HIPK1: variants seen among roughly 807,000 people sequenced by gnomAD.
HIPK1 encodes homeodomain interacting protein kinase 1, also known as homeodomain-interacting protein kinase 1.
HIPK1 carries 28 observed loss-of-function variants against 117.1 expected under a neutral mutation model. The ratio of observed to expected loss-of-function variants is 0.24; its 90% confidence interval spans 0.18 to 0.33. The LOEUF (loss-of-function observed/expected upper bound fraction) is 0.33. HIPK1 is among the 10% of genes least tolerant of loss of function. The pLI, the probability that HIPK1 is intolerant of heterozygous loss-of-function variation, is 1.00. For missense variants in HIPK1, 1,122 were observed against 1,475.1 expected (o/e 0.76, Z 3.92); for synonymous variants, 605 against 562.5 (o/e 1.08, Z -1.07).
chr1:113,948,996 C>A (rs1466695138), intron 2 of HIPK1, among the ~76,000 whole-genome samples: 1 of 152,078 alleles, frequency 6.6e-6, no homozygotes, highest in African/African-American at 2.4e-5. Context: ...TGCCACCATG[C>A]CCAGCTAATT....
chr1:113,969,288 C>T (rs568719398), intron 13 of HIPK1, among the ~76,000 whole-genome samples: 1 of 152,270 alleles, frequency 6.6e-6, no homozygotes, highest in South Asian at 2.1e-4. Flanking sequence ...AGGCAACATA[C>T]AGGAGGTGTT....
intron 2 of HIPK1, among the ~76,000 whole-genome samples, chr1:113,952,423 G>A (rs1040645824): frequency 5.3e-5 from 8 of 152,060 alleles, no homozygotes; most frequent in Admixed American, 5.2e-4. Flanking sequence ...CCATTGTTAA[G>A]CTATTTGAAG....
At chr1:113,964,178 TC>T (rs1340219697) in intron 10 of HIPK1, among the ~76,000 whole-genome samples, 2 of 152,200 alleles carry the variant, frequency 1.3e-5, no homozygotes, top group African/African-American at 2.4e-5. Flanking sequence ...ATATTGTAGG[TC>T]ATATTGTTGG....
intron 1 of HIPK1, among the ~76,000 whole-genome samples, chr1:113,931,168 G>GTT (rs35159791): frequency 1.2e-4 from 16 of 137,000 alleles, no homozygotes; most frequent in Middle Eastern, 3.7e-3. Flanking sequence ...TGGTCTGTGG[G>GTT]TTTTTTTTTT....
intron 1 of HIPK1, among the ~76,000 whole-genome samples, chr1:113,939,887 C>T (rs767726605): frequency 6.6e-6 from 1 of 151,162 alleles, no homozygotes; most frequent in African/African-American, 2.4e-5. Flanking sequence ...ATCCTTTCCT[C>T]ATATTTTTCT....
intron 2 of HIPK1, among the ~76,000 whole-genome samples, chr1:113,948,188 T>C (rs1220821461): frequency 6.6e-6 from 1 of 152,236 alleles, no homozygotes. Context: ...GTCTTTTTGC[T>C]TCGTAGAGTT....
At chr1:113,967,384 TTTA>T (rs1411783000) in intron 11 of HIPK1, among the ~76,000 whole-genome samples, 1 of 152,188 alleles carries the variant, frequency 6.6e-6, no homozygotes, top group African/African-American at 2.4e-5. Flanking sequence ...CTTGGCAGTG[TTTA>T]TTATTGCTTG....
At chr1:113,930,802 G>A (rs376391968) in intron 1 of HIPK1, 5 of 152,258 alleles carry the variant, frequency 3.3e-5, no homozygotes, top group Non-Finnish European at 7.3e-5. Context: ...CTTGGGGAGG[G>A]GGGTTCAGGA....
At position 113,956,618 on chromosome 1, in the gene HIPK1, C is replaced by G; in HGVS notation, c.1408-9C>G. The G allele has an allele frequency of 6.2e-7, 1 of 1,604,194 alleles. No homozygotes were observed. Among genetic ancestry groups the G allele is most frequent in the Non-Finnish European group, 8.5e-7 (1 of 1,175,638 alleles). On this transcript the variant is annotated splice_polypyrimidine_tract_variant and intron_variant, in intron 5 of 15. Coordinates refer to ENST00000426820, the MANE Select transcript of HIPK1 (RefSeq NM_198268.3). ...GTGAAGAAGTATAATTCTGAATTTT[C>G]TTTGGAAGGTGAATATGTCTACAGA...
Position 113,941,656 on chromosome 1 carries a change from A to G in HIPK1, c.1076+197A>G, listed in dbSNP as rs1037043008. Among the ~76,000 whole-genome samples the G allele has an allele frequency of 6.6e-6, 1 of 152,214 alleles. No individual in the cohort carries two copies. Among genetic ancestry groups the G allele is most frequent in the Admixed American group, 6.5e-5 (1 of 15,274 alleles). The stretch of plus-strand genomic sequence containing the variant: ...TCTGAAATTTTATCTAGCACTGGAA[A>G]AATTAACTCAGTCTGATTCTGAAAG... On this transcript the variant is annotated intron_variant, in intron 2 of 15. Coordinates refer to ENST00000426820, the MANE Select transcript of HIPK1 (RefSeq NM_198268.3). This position sits in a 1 kb window ranked among gnomAD's most constrained non-coding sequence, Gnocchi z 4.9.
chr1:113,933,694 G>A (rs867075045), intron 1 of HIPK1, among the ~76,000 whole-genome samples: 1 of 151,958 alleles, frequency 6.6e-6, no homozygotes, highest in African/African-American at 2.4e-5. Flanking sequence ...GTGAAACCCT[G>A]TCTCTACAAA....
At chr1:113,931,120 A>C (rs923832702) in intron 1 of HIPK1, among the ~76,000 whole-genome samples, 1 of 150,390 alleles carries the variant, frequency 6.6e-6, no homozygotes, top group Admixed American at 6.6e-5. Flanking sequence ...GCAAACCTAC[A>C]ATTTTCCTTT....
At position 113,933,800 on chromosome 1, in the gene HIPK1, C is replaced by T. The variant is rs945034676; in HGVS notation, c.-3+4268C>T. Among the ~76,000 whole-genome samples, 3 of 152,098 alleles carry T rather than the reference C, an allele frequency of 2.0e-5. No individual in the cohort carries two copies. The East Asian group carries it at 5.8e-4, about 29-fold the overall frequency. On this transcript the variant is annotated intron_variant, in intron 1 of 15. Coordinates refer to ENST00000426820, the MANE Select transcript of HIPK1 (RefSeq NM_198268.3). Reference sequence around the variant, plus strand: ...GAGGGTGGATTGAGCCCTGGAGGTCCAGGCTGCAGTGAACGAACCATGATC... The same window carrying T: ...GAGGGTGGATTGAGCCCTGGAGGTCTAGGCTGCAGTGAACGAACCATGATC...
chr1:113,955,426 T>G (rs976881618), intron 4 of HIPK1, 137 bp from the exon 5 acceptor site: 1 of 620,520 alleles, frequency 1.6e-6, no homozygotes, highest in Non-Finnish European at 2.9e-6. Context: ...ATTTTCTGGT[T>G]GTGAATTACT....
Position 113,973,022 on chromosome 1 carries a change from A to G in HIPK1, c.3145-2A>G. The G allele has an allele frequency of 6.6e-7, 1 of 1,512,282 alleles. No homozygotes were observed. The highest frequency in any genetic ancestry group is 1.3e-5 in the South Asian group (1 of 74,470). The allele number at this position is 1,512,282 out of a possible 1,614,324, so 93.7% of individuals were successfully genotyped here. A position where few individuals can be genotyped will look rare whatever the true frequency, so the allele number is the denominator to read the frequency against. On this transcript the variant is annotated splice_acceptor_variant, in intron 15 of 15. Transcript: ENST00000426820. LOFTEE classifies it high-confidence loss of function. ...TCCTCACTTCTTCCTTCTTTCTTCCAGAACCAGCAGTCATCGGCGGCTCCA... is the reference window on the plus strand; with the variant it reads ...TCCTCACTTCTTCCTTCTTTCTTCCGGAACCAGCAGTCATCGGCGGCTCCA...
chr1:113,946,109 AT>A (rs1484611750), intron 2 of HIPK1, among the ~76,000 whole-genome samples: 5 of 152,116 alleles, frequency 3.3e-5, no homozygotes, highest in Non-Finnish European at 7.4e-5. Flanking sequence ...TGTCATCTCC[AT>A]TTATTTATTT....
rs1671856091 is a variant in HIPK1 at position 113,958,251 on chromosome 1, A to G, written c.1941A>G (p.Pro647=). ...GTTQICTQTD[P]FQQTFIVCPP... The stretch of plus-strand genomic sequence containing the variant: ...CCCAGATTTGCACTCAGACAGATCC[A>G]TTCCAACAGACATTTATAGTATGTC... The change falls in exon 8 of 16, where the codon CCA becomes CCG. Residue 647 remains proline, a synonymous_variant. Coordinates refer to ENST00000426820, the MANE Select transcript of HIPK1 (RefSeq NM_198268.3). The G allele has an allele frequency of 3.1e-6, 5 of 1,614,164 alleles. No individual in the cohort carries two copies. The highest frequency in any genetic ancestry group is 1.3e-5 in the African/African-American group (1 of 75,060).
At chr1:113,964,804 G>C (rs1288686995) in intron 10 of HIPK1, among the ~76,000 whole-genome samples, 1 of 152,194 alleles carries the variant, frequency 6.6e-6, no homozygotes, top group African/African-American at 2.4e-5. Context: ...TGGAATGTTA[G>C]TTGACACTTC....
Position 113,940,378 on chromosome 1 carries a change from A to G in HIPK1, c.-2-4A>G. 1 of 1,577,912 alleles carries G rather than the reference A, an allele frequency of 6.3e-7. No homozygotes were observed. Among genetic ancestry groups the G allele is most frequent in the South Asian group, 1.2e-5 (1 of 86,006 alleles). On this transcript the variant is annotated splice_polypyrimidine_tract_variant and splice_region_variant and intron_variant, in intron 1 of 15. Transcript: ENST00000426820. ...GGTCTAATTCTTCCTTTCTCTCAAT[A>G]TAGGTATGGCATCACAGCTGCAAGT...
Sources: allele counts gnomAD v4.1 joint callset (sites outside exome capture counted in the v4.1 genomes callset), GRCh38; gene constraint gnomAD v4.1.1; non-coding constraint Gnocchi (gnomAD v3.1); transcripts MANE v1.5; gene names NCBI Gene and HGNC (gene_info 2026-07-23, HGNC 2026-07-21).